The following ENOX1 variants were observed in gnomAD, a reference collection of about 807,000 sequenced individuals.
ENOX1 encodes the protein candidate growth-related and time keeping constitutive hydroquinone (NADH) oxidase.
In ENOX1, 42 loss-of-function variants were observed where a neutral mutation model predicts 82.5. The ratio of observed to expected loss-of-function variants is 0.51; its 90% CI spans 0.40 to 0.66. The LOEUF (loss-of-function observed/expected upper bound fraction) is 0.66. ENOX1 is among the 30% of genes least tolerant of loss of function. ENOX1 has a pLI of 0.00. For missense variants in ENOX1, 608 were observed against 811.6 expected, an observed-to-expected ratio of 0.75 and a Z score of 3.05; for synonymous variants, 271 against 282.2, an observed-to-expected ratio of 0.96 and a Z score of 0.40.
chr13:43,531,404 C>T (rs1290125253), intron 2 of ENOX1, among the ~76,000 whole-genome samples: 8 of 151,578 alleles, frequency 5.3e-5, no homozygotes, highest in Non-Finnish European at 1.2e-4. Context: ...GAATGGTGAT[C>T]ATTAAAAAGT....
chr13:43,384,484 T>C (rs1464260531), intron 5 of ENOX1, among the ~76,000 whole-genome samples: 2 of 152,180 alleles, frequency 1.3e-5, no homozygotes, highest in African/African-American at 4.8e-5. Flanking sequence ...CATAACCCCA[T>C]GAATTAGATG....
intron 11 of ENOX1, among the ~76,000 whole-genome samples, chr13:43,314,778 T>C (rs1345557504): frequency 6.6e-6 from 1 of 152,204 alleles, no homozygotes; most frequent in African/African-American, 2.4e-5. Context: ...TACATATATA[T>C]AGCTTCTCTG....
At chr13:43,513,191 C>T (rs2077435310) in intron 2 of ENOX1, among the ~76,000 whole-genome samples, 1 of 152,050 alleles carries the variant, frequency 6.6e-6, no homozygotes, top group Non-Finnish European at 1.5e-5. Context: ...AGTTTCTAAT[C>T]CCAGCTACTA....
intron 1 of ENOX1, among the ~76,000 whole-genome samples, chr13:43,750,530 T>G (rs928430427): frequency 1.3e-5 from 2 of 152,144 alleles, no homozygotes; most frequent in Non-Finnish European, 2.9e-5. Context: ...TCTCCAAGTA[T>G]GAAGCTTGGT....
intron 15 of ENOX1, among the ~76,000 whole-genome samples, chr13:43,235,806 G>A (rs1454415267): frequency 2.0e-5 from 3 of 151,394 alleles, no homozygotes; most frequent in Non-Finnish European, 4.4e-5. Flanking sequence ...AGTTTGTCTT[G>A]CATGTACATT....
chr13:43,324,694 C>CGT (rs1169050766), intron 10 of ENOX1, among the ~76,000 whole-genome samples: 1 of 152,142 alleles, frequency 6.6e-6, no homozygotes, highest in Non-Finnish European at 1.5e-5. Flanking sequence ...AGCTGCACTC[C>CGT]ATCTGTCCTT....
intron 1 of ENOX1, among the ~76,000 whole-genome samples, chr13:43,777,173 C>A (rs1299005839): frequency 6.6e-6 from 1 of 152,198 alleles, no homozygotes; most frequent in Non-Finnish European, 1.5e-5. Context: ...ACCTTCCTGC[C>A]ACATTCAAGC....
intron 5 of ENOX1, among the ~76,000 whole-genome samples, chr13:43,404,233 A>G (rs901807254): frequency 6.6e-6 from 1 of 152,150 alleles, no homozygotes; most frequent in Non-Finnish European, 1.5e-5. Context: ...TAAAGTCTGT[A>G]CTCCAAGCTT....
chr13:43,690,335 C>A (rs1203013753), intron 1 of ENOX1, among the ~76,000 whole-genome samples: 1 of 150,482 alleles, frequency 6.6e-6, no homozygotes, highest in Non-Finnish European at 1.5e-5. Flanking sequence ...AAATTAGTAA[C>A]CTCTTCTACT....
At chr13:43,317,343 C>A (rs2047560639) in intron 11 of ENOX1, among the ~76,000 whole-genome samples, 1 of 152,116 alleles carries the variant, frequency 6.6e-6, no homozygotes, top group Non-Finnish European at 1.5e-5. Context: ...TTTAGTAACC[C>A]TCTCCTTCTT....
At chr13:43,461,288 A>G (rs2057472711) in intron 3 of ENOX1, among the ~76,000 whole-genome samples, 1 of 152,224 alleles carries the variant, frequency 6.6e-6, no homozygotes, top group African/African-American at 2.4e-5. Flanking sequence ...CTTGTTAATT[A>G]TTACATGCAA....
chr13:43,617,231 CGT>C (rs2082521551), intron 2 of ENOX1, among the ~76,000 whole-genome samples: 1 of 152,068 alleles, frequency 6.6e-6, no homozygotes. Flanking sequence ...CTGGGCATTC[CGT>C]GTGTTTCTGA....
At chr13:43,492,109 C>A (rs1380692038) in intron 2 of ENOX1, among the ~76,000 whole-genome samples, 1 of 152,172 alleles carries the variant, frequency 6.6e-6, no homozygotes, top group Non-Finnish European at 1.5e-5. Context: ...TTGTGAACCA[C>A]CCTATGGCGA....
At chr13:43,270,454 G>C (rs17460422) in intron 12 of ENOX1, among the ~76,000 whole-genome samples, 2 of 152,072 alleles carry the variant, frequency 1.3e-5, no homozygotes, top group East Asian at 3.8e-4. Context: ...GGAAATGTTA[G>C]TGGATTCCTG....
chr13:43,361,241 T>C (rs1456343857), intron 6 of ENOX1, 38 bp downstream of exon 6: 2 of 1,597,508 alleles, frequency 1.3e-6, no homozygotes, highest in Admixed American at 1.8e-5. Flanking sequence ...AAGAAAAACA[T>C]TTAAAATGAG....
intron 3 of ENOX1, among the ~76,000 whole-genome samples, chr13:43,426,098 T>C (rs1383264789): frequency 6.6e-6 from 1 of 152,242 alleles, no homozygotes; most frequent in Non-Finnish European, 1.5e-5. Flanking sequence ...CACTGTCTCC[T>C]TCCTGCCTAC....
intron 2 of ENOX1, among the ~76,000 whole-genome samples, chr13:43,507,303 G>T (rs1324834442): frequency 6.6e-6 from 1 of 151,880 alleles, no homozygotes. Context: ...TGAAGGTCAG[G>T]TGTTTTCAAA....
chr13:43,319,718 T>C (rs1001022774), intron 11 of ENOX1, among the ~76,000 whole-genome samples: 4 of 152,144 alleles, frequency 2.6e-5, no homozygotes, highest in African/African-American at 9.7e-5. Context: ...AAGGATATTC[T>C]CTTCTGGAAT....
chr13:43,558,004 T>C (rs1027612370), intron 2 of ENOX1, among the ~76,000 whole-genome samples: 5 of 152,124 alleles, frequency 3.3e-5, no homozygotes, highest in Non-Finnish European at 7.4e-5. Flanking sequence ...AGGCCCAGTG[T>C]CCCACTGAGG....
Sources: allele counts gnomAD v4.1 joint callset (sites outside exome capture counted in the v4.1 genomes callset), GRCh38; gene constraint gnomAD v4.1.1; transcripts MANE v1.5; gene names NCBI Gene and HGNC (gene_info 2026-07-23, HGNC 2026-07-21).